Variants in USP43 observed in about 807,000 individuals in gnomAD.
The protein encoded by USP43 is ubiquitin carboxyl-terminal hydrolase 43.
Under a neutral mutation model 90.7 loss-of-function variants are expected in USP43, and 33 were observed. The observed-to-expected ratio is 0.36, with a 90% CI of 0.28 to 0.49. The LOEUF is 0.49. USP43 is among the 20% of genes least tolerant of loss of function. The pLI, the probability that USP43 is intolerant of heterozygous loss-of-function variation, is 0.98. For synonymous variants in USP43, 598 were observed against 615.8 expected (o/e 0.97, Z 0.43); for missense variants, 1,274 against 1,476.4 (o/e 0.86, Z 2.25).
chr17:9,700,330 C>G, intron 10 of USP43, 81 bp downstream of exon 10: 2 of 1,386,730 alleles, frequency 1.4e-6, no homozygotes. Flanking sequence ...CAGCTTCCCC[C>G]AGCACGGCTG....
At chr17:9,692,395 T>C (rs1915012672) in intron 8 of USP43, among the ~76,000 whole-genome samples, 1 of 152,160 alleles carries the variant, frequency 6.6e-6, no homozygotes, top group Non-Finnish European at 1.5e-5. Flanking sequence ...TCCCAGTGGG[T>C]GTGAAGTGGT....
chr17:9,676,679 A>G (rs1913802155), intron 4 of USP43, 67 bp from the exon 5 acceptor site: 3 of 1,550,862 alleles, frequency 1.9e-6, no homozygotes, highest in Non-Finnish European at 2.6e-6. Context: ...GCCTTGATCC[A>G]TTATCAACAA....
In USP43 at chr17:9,651,187, G is replaced by GT. The variant is rs749060091; in HGVS notation, c.504+5059dup. On this transcript the variant is annotated intron_variant, in intron 1 of 14. Coordinates refer to ENST00000285199, the MANE Select transcript of USP43 (RefSeq NM_153210.5). ...CAGCTGTTTGATGTTTTTTTTGTTT[G>GT]TTTTTTTTGTTTTTTATTTGAGACA... Among the ~76,000 whole-genome samples, 80 of 148,520 alleles carry GT rather than the reference G, an allele frequency of 5.4e-4. 2 individuals carry two copies. The highest frequency in any genetic ancestry group is 1.2e-3 in the East Asian group (6 of 5,134).
intron 9 of USP43, among the ~76,000 whole-genome samples, chr17:9,698,827 A>T (rs754524088): frequency 1.3e-5 from 2 of 152,260 alleles, no homozygotes; most frequent in Admixed American, 6.5e-5. Context: ...AGGTTTATTC[A>T]TAAGACTGAT....
intron 14 of USP43, among the ~76,000 whole-genome samples, chr17:9,715,875 CTGTG>C (rs1177467871): frequency 7.0e-6 from 1 of 142,142 alleles, no homozygotes; most frequent in Non-Finnish European, 1.5e-5. Flanking sequence ...CTCTGTGTAT[CTGTG>C]TGTGTGTCTC....
At position 9,677,040 on chromosome 17, in the gene USP43, G is replaced by A. The variant is rs145706147; in HGVS notation, c.969+159G>A. 1.3e-4 allele frequency among the ~76,000 whole-genome samples: 20 copies of A among 152,284 alleles called. No homozygotes were observed. The South Asian group carries it at 1.5e-3, about 11-fold the overall frequency. On this transcript the variant is annotated intron_variant, in intron 5 of 14. Coordinates refer to ENST00000285199, the MANE Select transcript of USP43 (RefSeq NM_153210.5). ...AATGCCTGCTGTCTGGGATGACTGG[G>A]CCTTGACTTTTCCCTGCATTGACAC... is the stretch of plus-strand genomic sequence containing the variant.
At chr17:9,727,861 C>T in intron 14 of USP43, 93 bp from the exon 15 acceptor site, 2 of 1,392,528 alleles carry the variant, frequency 1.4e-6, no homozygotes, top group Non-Finnish European at 1.9e-6. Flanking sequence ...CAGCACAGTG[C>T]CTCCCACATC....
In USP43 at chr17:9,645,531, G is replaced by A; in HGVS notation, c.-102G>A. On this transcript the variant is annotated 5_prime_UTR_variant, in exon 1 of 15. Transcript: ENST00000285199. The surrounding 1 kb of genome is among the most constrained non-coding windows in gnomAD (Gnocchi z 6.8). ...CCCGTCCCCGCACACCTGGCCCGCA[G>A]GTAGCCGGCACCAGGAGCCTTAGAG... 9.3e-7 allele frequency: 1 copy of A among 1,076,472 alleles called. No homozygotes were observed. The highest frequency in any genetic ancestry group is 4.7e-5 in the South Asian group (1 of 21,462). 66.7% of individuals were successfully genotyped at this position (1,076,472 alleles called of 1,614,324 possible).
chr17:9,646,144 G>C lies in USP43; in HGVS notation c.504+8G>C, dbSNP rs1220736582. The C allele has an allele frequency of 1.4e-6, 2 of 1,416,510 alleles. No individual in the cohort carries two copies. 87.7% of individuals were successfully genotyped at this position (1,416,510 alleles called of 1,614,324 possible). A position where few individuals can be genotyped will look rare whatever the true frequency, so the allele number is the denominator to read the frequency against. On this transcript the variant is annotated splice_region_variant and intron_variant, in intron 1 of 14. Coordinates refer to ENST00000285199, the MANE Select transcript of USP43 (RefSeq NM_153210.5). ...CTTTCCGCGGAGTTCAAGGTAGGCA[G>C]CGCTGCGCCGCCGACCGCCCTGTCC...
In USP43 at chr17:9,649,633, A is replaced by G. The variant is rs551510049; in HGVS notation, c.504+3497A>G. Among the ~76,000 whole-genome samples, 3 of 140,552 alleles carry G rather than the reference A, an allele frequency of 2.1e-5. No individual in the cohort carries two copies. In the East Asian group the frequency reaches 6.3e-4, roughly 29 times the overall value. The allele number at this position is 140,552 out of a possible 152,430, so 92.2% of individuals were successfully genotyped here. A position where few individuals can be genotyped will look rare whatever the true frequency, so the allele number is the denominator to read the frequency against. On this transcript the variant is annotated intron_variant, in intron 1 of 14. Coordinates refer to ENST00000285199, the MANE Select transcript of USP43 (RefSeq NM_153210.5). ...TATAGGTGAGAATACGCAATATTTG[A>G]TTTTCTGTGCTTTTCTAATGATGTA...
At chr17:9,657,861 C>T (rs1386683566) in intron 2 of USP43, among the ~76,000 whole-genome samples, 2 of 152,306 alleles carry the variant, frequency 1.3e-5, no homozygotes, top group East Asian at 3.9e-4. Context: ...CAAACCATGT[C>T]AATGAGTGAG....
chr17:9,708,991 G>A (rs1292293045), intron 12 of USP43, among the ~76,000 whole-genome samples: 1 of 152,086 alleles, frequency 6.6e-6, no homozygotes, highest in East Asian at 1.9e-4. Flanking sequence ...TTTTAAAAGT[G>A]GGAGAAAGAC....
Position 9,700,104 on chromosome 17 carries a change from C to T in USP43, c.1458-68C>T, listed in dbSNP as rs1213187233. 5.6e-6 allele frequency: 8 copies of T among 1,429,406 alleles called. No homozygotes were observed. In the East Asian group the frequency reaches 9.9e-5, roughly 18 times the overall value. The allele number at this position is 1,429,406 out of a possible 1,614,324, so 88.5% of individuals were successfully genotyped here. ...AGTCCTTGGGTTGTGGGGGAGACTG[C>T]TGAGCCCTGAAGAGCTGTGGGAAGG... On this transcript the variant is annotated intron_variant, in intron 9 of 14. Transcript: ENST00000285199.
In USP43 at chr17:9,686,944, TGCATGC is replaced by T. The variant is rs761890652; in HGVS notation, c.1353+41_1353+46del. 19 of 1,544,380 alleles carry T rather than the reference TGCATGC, an allele frequency of 1.2e-5. No individual in the cohort carries two copies. In the African/African-American group the frequency reaches 2.2e-4, roughly 18 times the overall value. ...GTGCATGCGTGTGTGTGTGTGTGCG[TGCATGC>T]GCATGTGCATGCGTGTGTGTGGGTG... On this transcript the variant is annotated intron_variant, in intron 8 of 14. Transcript: ENST00000285199. The surrounding 1 kb of genome is among the most constrained non-coding windows in gnomAD (Gnocchi z 5.5).
intron 1 of USP43, among the ~76,000 whole-genome samples, chr17:9,651,028 T>A (rs1242080675): frequency 1.3e-5 from 2 of 152,156 alleles, no homozygotes; most frequent in African/African-American, 4.8e-5. Flanking sequence ...ATTGCTCTTG[T>A]GCCTTTGCAT....
intron 4 of USP43, 144 bp downstream of exon 4, chr17:9,675,127 C>A (rs1490103563): frequency 5.6e-6 from 4 of 718,794 alleles, no homozygotes; most frequent in African/African-American, 3.5e-5. Context: ...AGCTGGATGA[C>A]ATTCAACTAT....
rs535830599 is a variant in USP43, at chr17:9,700,349, G to T, written c.1535+100G>T. ...TTCCCCCAGCACGGCTGCAGGCAGG[G>T]TGCACACATCTTTGAGCCAGTGTAA... On this transcript the variant is annotated intron_variant, in intron 10 of 14. Transcript: ENST00000285199. 23 of 1,165,804 alleles carry T rather than the reference G, an allele frequency of 2.0e-5. No individual in the cohort carries two copies. The South Asian group carries it at 2.9e-4, about 15-fold the overall frequency. 72.2% of individuals were successfully genotyped at this position (1,165,804 alleles called of 1,614,324 possible).
At chr17:9,661,250 A>T (rs989810402) in intron 2 of USP43, among the ~76,000 whole-genome samples, 3 of 152,230 alleles carry the variant, frequency 2.0e-5, no homozygotes, top group Non-Finnish European at 2.9e-5. Flanking sequence ...AGAATTAAGT[A>T]GGGGATGAGG....
intron 8 of USP43, among the ~76,000 whole-genome samples, chr17:9,689,177 C>T (rs542401195): frequency 1.3e-5 from 2 of 152,172 alleles, no homozygotes; most frequent in Non-Finnish European, 2.9e-5. Flanking sequence ...ACCCATTTAA[C>T]CCATAATTCT....
Sources: allele counts gnomAD v4.1 joint callset (sites outside exome capture counted in the v4.1 genomes callset), GRCh38; gene constraint gnomAD v4.1.1; non-coding constraint Gnocchi (gnomAD v3.1); transcripts MANE v1.5; gene names NCBI Gene and HGNC (gene_info 2026-07-23, HGNC 2026-07-21).